DOCK5: variants seen among roughly 807,000 people sequenced by gnomAD.
DOCK5 encodes the protein dedicator of cytokinesis 5.
In DOCK5, 142 loss-of-function variants were observed where a neutral mutation model predicts 251.8. The ratio of observed to expected loss-of-function variants is 0.56; its 90% CI spans 0.49 to 0.65. The LOEUF (loss-of-function observed/expected upper bound fraction) is 0.65. DOCK5 is among the 30% of genes least tolerant of loss of function. The pLI, the probability that DOCK5 is intolerant of heterozygous loss-of-function variation, is 0.00. For missense variants in DOCK5, 2,111 were observed against 2,312.3 expected (o/e 0.91, Z 1.79); for synonymous variants, 842 against 835.5 (o/e 1.01, Z -0.13).
In DOCK5 at chr8:25,360,433, G is replaced by C. The variant is rs571905945; in HGVS notation, c.2949+1372G>C. The stretch of plus-strand genomic sequence containing the variant: ...CGCAAGAGGCCCAGTATGGGGGGTG[G>C]GGGGTGGAGGAGGAAGCCCAAGGTT... On this transcript the variant is annotated intron_variant, in intron 28 of 51. Transcript: ENST00000276440. Among the ~76,000 whole-genome samples, 4 of 152,008 alleles carry C rather than the reference G, an allele frequency of 2.6e-5. No individual in the cohort carries two copies. The South Asian group carries it at 8.3e-4, about 31-fold the overall frequency.
At chr8:25,207,284 G>C (rs1332395654) in intron 1 of DOCK5, among the ~76,000 whole-genome samples, 2 of 152,230 alleles carry the variant, frequency 1.3e-5, no homozygotes, top group Non-Finnish European at 2.9e-5. Context: ...TGCTGATATA[G>C]AAGCTGTGGC....
At chr8:25,364,518 C>A in intron 29 of DOCK5, 108 bp from the exon 30 acceptor site, 1 of 751,390 alleles carries the variant, frequency 1.3e-6, no homozygotes, top group South Asian at 1.7e-5. Context: ...ATTATGAGGT[C>A]TTATGATGCC....
intron 13 of DOCK5, among the ~76,000 whole-genome samples, chr8:25,314,757 C>G (rs1371535721): frequency 1.3e-5 from 2 of 149,294 alleles, no homozygotes; most frequent in Non-Finnish European, 3.0e-5. Flanking sequence ...ACCCACCCAC[C>G]CATCCATCCA....
chr8:25,411,584 T>C lies in DOCK5; in HGVS notation c.*286T>C, dbSNP rs986538480. The C allele has an allele frequency of 3.2e-6, 1 of 312,244 alleles. No individual in the cohort carries two copies. The highest frequency in any genetic ancestry group is 2.2e-5 in the African/African-American group (1 of 46,166). 19.3% of individuals were successfully genotyped at this position (312,244 alleles called of 1,614,324 possible). ...TTCACCATTGTTAAATGTCAGCCTG[T>C]ACGGCAGAGACATGGTGGTCTGCAC... On this transcript the variant is annotated 3_prime_UTR_variant, in exon 52 of 52. Coordinates refer to ENST00000276440, the MANE Select transcript of DOCK5 (RefSeq NM_024940.8).
At chr8:25,367,860 C>A (rs1346491895) in intron 31 of DOCK5, among the ~76,000 whole-genome samples, 2 of 152,188 alleles carry the variant, frequency 1.3e-5, no homozygotes, top group Non-Finnish European at 2.9e-5. Context: ...ACTGTATGAT[C>A]ATACTTCATT....
intron 1 of DOCK5, 44 bp from the exon 2 acceptor site, chr8:25,243,630 A>C: frequency 6.3e-7 from 1 of 1,576,932 alleles, no homozygotes; most frequent in South Asian, 1.1e-5. Flanking sequence ...TGCCCAGCCA[A>C]GTGACATGCA....
At chr8:25,288,591 C>T (rs1804404013) in intron 5 of DOCK5, among the ~76,000 whole-genome samples, 1 of 152,200 alleles carries the variant, frequency 6.6e-6, no homozygotes, top group Admixed American at 6.5e-5. Flanking sequence ...CCTTTGAACC[C>T]TTTCTTTACC....
chr8:25,348,585 A>G (rs1380041966), intron 26 of DOCK5, among the ~76,000 whole-genome samples: 4 of 152,132 alleles, frequency 2.6e-5, no homozygotes, highest in Non-Finnish European at 5.9e-5. Flanking sequence ...CAGGCCTGTA[A>G]TCCCAGCACT....
chr8:25,235,800 T>TC, intron 1 of DOCK5, among the ~76,000 whole-genome samples: 1 of 86,638 alleles, frequency 1.2e-5, no homozygotes, highest in Non-Finnish European at 2.3e-5. Context: ...TTTCTTTTCC[T>TC]TTTTTTTTTT....
chr8:25,187,144 C>T (rs929200990), intron 1 of DOCK5, among the ~76,000 whole-genome samples: 5 of 150,206 alleles, frequency 3.3e-5, no homozygotes, highest in Admixed American at 1.3e-4. Flanking sequence ...GAGGGTGCAC[C>T]GAGCCCCCAT....
Position 25,328,572 on chromosome 8 carries a change from G to A in DOCK5, c.1903+3025G>A, listed in dbSNP as rs544810303. On this transcript the variant is annotated intron_variant, in intron 18 of 51. Transcript: ENST00000276440. ...GGGTGTTGACTGAGTAGAGAGGGTA[G>A]CAGTGTTCTCACTGAGAGGGTGAAC... 1.8e-4 allele frequency among the ~76,000 whole-genome samples: 27 copies of A among 152,290 alleles called. 1 individual carries two copies. The South Asian group carries it at 5.4e-3, about 30-fold the overall frequency.
intron 26 of DOCK5, among the ~76,000 whole-genome samples, chr8:25,346,824 CA>C (rs11320370): frequency 0.22 from 25,980 of 115,626 alleles, 3,433 homozygotes; most frequent in African/African-American, 0.42. Context: ...ACTCCAACTC[CA>C]AAAAAAAAAA....
At chr8:25,272,411 A>G (rs2117120534) in intron 3 of DOCK5, among the ~76,000 whole-genome samples, 1 of 152,330 alleles carries the variant, frequency 6.6e-6, no homozygotes, top group Middle Eastern at 3.4e-3. Context: ...AGATGTCACA[A>G]GATTCATCAC....
At chr8:25,281,460 C>T (rs1373923106) in intron 5 of DOCK5, among the ~76,000 whole-genome samples, 2 of 145,648 alleles carry the variant, frequency 1.4e-5, no homozygotes, top group Admixed American at 1.4e-4. Context: ...AAAAAGTGAA[C>T]GGGGATGAAG....
chr8:25,336,763 T>C (rs1181608738), intron 22 of DOCK5, among the ~76,000 whole-genome samples: 1 of 152,186 alleles, frequency 6.6e-6, no homozygotes, highest in African/African-American at 2.4e-5. Context: ...TTGTTGACAC[T>C]GTGCTTAGCT....
At chr8:25,273,191 C>T (rs557101966) in intron 3 of DOCK5, among the ~76,000 whole-genome samples, 10 of 152,286 alleles carry the variant, frequency 6.6e-5, no homozygotes, top group Non-Finnish European at 1.0e-4. Flanking sequence ...AGGAATCACA[C>T]GCAGTTTTTG....
At chr8:25,389,840 C>G (rs4626608) in intron 41 of DOCK5, among the ~76,000 whole-genome samples, 2,643 of 152,252 alleles carry the variant, frequency 0.017, 49 homozygotes, top group South Asian at 0.052. Flanking sequence ...AAAAGTAATT[C>G]TTGTTGCCTG....
intron 1 of DOCK5, among the ~76,000 whole-genome samples, chr8:25,236,601 A>AAC (rs1258494311): frequency 9.2e-5 from 14 of 151,898 alleles, no homozygotes; most frequent in African/African-American, 3.4e-4. Context: ...TTTTTTTTGA[A>AAC]ACAGAGTCTC....
At chr8:25,259,663 G>A (rs2117580249) in intron 2 of DOCK5, among the ~76,000 whole-genome samples, 2 of 152,156 alleles carry the variant, frequency 1.3e-5, no homozygotes, top group South Asian at 4.2e-4. Context: ...GTCTTACTAT[G>A]TTGCCCAGGC....
Sources: allele counts gnomAD v4.1 joint callset (sites outside exome capture counted in the v4.1 genomes callset), GRCh38; gene constraint gnomAD v4.1.1; transcripts MANE v1.5; gene names NCBI Gene and HGNC (gene_info 2026-07-23, HGNC 2026-07-21).